BRINP3: variants seen among roughly 807,000 people sequenced by gnomAD.
The protein encoded by BRINP3 is BMP/retinoic acid inducible neural specific 3.
Under a neutral mutation model 71.0 loss-of-function variants are expected in BRINP3, and 19 were observed. The observed-to-expected ratio is 0.27, with a 90% CI of 0.19 to 0.39. The LOEUF (loss-of-function observed/expected upper bound fraction) is 0.39, where lower values mean the gene tolerates loss of function less well. Ranked by LOEUF, BRINP3 falls within the 10% of genes least tolerant of loss-of-function variation. The pLI, the probability that BRINP3 is intolerant of heterozygous loss-of-function variation, is 1.00. For synonymous variants in BRINP3, 380 were observed against 337.7 expected (o/e 1.13, Z -1.37); for missense variants, 959 against 940.8 (o/e 1.02, Z -0.25).
chr1:190,398,878 A>C (rs1671749514), intron 2 of BRINP3, among the ~76,000 whole-genome samples: 1 of 151,836 alleles, frequency 6.6e-6, no homozygotes, highest in African/African-American at 2.4e-5. Context: ...AATTTTCTTC[A>C]CCTTTAAAAC....
chr1:190,397,539 T>A (rs1423940464), intron 2 of BRINP3, among the ~76,000 whole-genome samples: 1 of 152,028 alleles, frequency 6.6e-6, no homozygotes, highest in Non-Finnish European at 1.5e-5. Context: ...ATTTCTTTCA[T>A]ATTATGTTCT....
chr1:190,180,691 C>T (rs1328367435), intron 6 of BRINP3, among the ~76,000 whole-genome samples: 1 of 151,980 alleles, frequency 6.6e-6, no homozygotes, highest in African/African-American at 2.4e-5. Flanking sequence ...ATAGTACCAA[C>T]AAATTCTAAC....
intron 2 of BRINP3, among the ~76,000 whole-genome samples, chr1:190,283,492 T>A (rs1158777343): frequency 2.6e-5 from 4 of 151,822 alleles, no homozygotes; most frequent in African/African-American, 9.7e-5. Flanking sequence ...CTGAATTTAT[T>A]ATAATGTTCC....
At chr1:190,456,884 T>G (rs1299869668) in intron 1 of BRINP3, among the ~76,000 whole-genome samples, 8 of 152,174 alleles carry the variant, frequency 5.3e-5, no homozygotes, top group Non-Finnish European at 1.2e-4. Context: ...AGGATGTGTT[T>G]CTTAATTGAA....
chr1:190,248,525 G>T (rs1192174934), intron 4 of BRINP3, among the ~76,000 whole-genome samples: 1 of 151,248 alleles, frequency 6.6e-6, no homozygotes, highest in Admixed American at 6.6e-5. Context: ...CCTACCCAGG[G>T]TACTTTCAGA....
chr1:190,277,982 T>G (rs1215685928), intron 3 of BRINP3, among the ~76,000 whole-genome samples: 1 of 151,786 alleles, frequency 6.6e-6, no homozygotes, highest in Non-Finnish European at 1.5e-5. Flanking sequence ...TTTATTTTTC[T>G]CTATAGATAG....
intron 6 of BRINP3, among the ~76,000 whole-genome samples, chr1:190,200,128 T>G (rs1329659885): frequency 6.6e-6 from 1 of 152,158 alleles, no homozygotes; most frequent in Non-Finnish European, 1.5e-5. Flanking sequence ...ACAGTACCAC[T>G]CAGAGTCTAC....
chr1:190,302,621 C>A (rs917857130), intron 2 of BRINP3: 1 of 151,546 alleles, frequency 6.6e-6, no homozygotes, highest in Admixed American at 6.6e-5. Flanking sequence ...CTTAAAAATC[C>A]CCTCATAAAT....
Position 190,265,090 on chromosome 1 carries a change from C to T in BRINP3, c.428-35G>A, listed in dbSNP as rs1017194224. The stretch of plus-strand genomic sequence containing the variant: ...TAATATTTCAAATTATTCAATTTTC[C>T]ACTTAAAATCTTTTTTTTTAACTTA... On this transcript the variant is annotated intron_variant, in intron 3 of 7. Transcript: ENST00000367462. 2.6e-6 allele frequency: 4 copies of T among 1,552,382 alleles called. No individual in the cohort carries two copies. The East Asian group carries it at 9.4e-5, about 36-fold the overall frequency.
chr1:190,102,446 G>A (rs958450986), intron 7 of BRINP3, among the ~76,000 whole-genome samples: 10 of 152,100 alleles, frequency 6.6e-5, no homozygotes, highest in African/African-American at 2.4e-4. Context: ...TTTTATTCAT[G>A]TATACACATT....
chr1:190,394,754 T>C (rs1290448582), intron 2 of BRINP3, among the ~76,000 whole-genome samples: 6 of 151,734 alleles, frequency 4.0e-5, no homozygotes, highest in South Asian at 2.1e-4. Flanking sequence ...ATTATAATTA[T>C]TGAAATATTT....
At chr1:190,201,697 A>G (rs1592250) in intron 6 of BRINP3, among the ~76,000 whole-genome samples, 90,360 of 151,972 alleles carry the variant, frequency 0.59, 27,663 homozygotes, top group African/African-American at 0.76. Context: ...TGCTCCAGCC[A>G]TGGTTGAAAT....
At chr1:190,291,749 T>C (rs1663885175) in intron 2 of BRINP3, among the ~76,000 whole-genome samples, 1 of 152,046 alleles carries the variant, frequency 6.6e-6, no homozygotes, top group African/African-American at 2.4e-5. Flanking sequence ...AGTTTGGAGA[T>C]TTTTCAAAAA....
In BRINP3 at chr1:190,443,970, C is replaced by T. The variant is rs918129792; in HGVS notation, c.236+10685G>A. On this transcript the variant is annotated intron_variant, in intron 2 of 7. Transcript: ENST00000367462. Reference sequence around the variant, plus strand: ...ACAGTCAGCCAGGCAAGGTGGCTCCCGTCTATAATCCCAGCACTTTGGTAG... The same window carrying T: ...ACAGTCAGCCAGGCAAGGTGGCTCCTGTCTATAATCCCAGCACTTTGGTAG... Among the ~76,000 whole-genome samples the T allele has an allele frequency of 2.8e-4, 42 of 152,056 alleles. 2 individuals are homozygous for T. The highest frequency in any genetic ancestry group is 2.8e-3 in the Admixed American group (42 of 15,260).
rs573588981 is a variant in BRINP3 at position 190,443,950 on chromosome 1, C to T, written c.236+10705G>A. On this transcript the variant is annotated intron_variant, in intron 2 of 7. Transcript: ENST00000367462. The stretch of plus-strand genomic sequence containing the variant: ...AACTTTGCTATAAAACATGAACAGT[C>T]AGCCAGGCAAGGTGGCTCCCGTCTA... 6.6e-5 allele frequency among the ~76,000 whole-genome samples: 10 copies of T among 152,112 alleles called. No homozygotes were observed. The East Asian group carries it at 1.7e-3, about 27-fold the overall frequency.
Position 190,099,144 on chromosome 1 carries a change from C to A in BRINP3, c.1185-10G>T. The A allele has an allele frequency of 6.2e-7, 1 of 1,608,420 alleles. No homozygotes were observed. On this transcript the variant is annotated splice_polypyrimidine_tract_variant and intron_variant, in intron 7 of 7. Transcript: ENST00000367462. ...CCAGTAGGTTGAGGTTCTAGAAATACAAAACAGAACGAATCTACATAAATA... is the reference window on the plus strand; with the variant it reads ...CCAGTAGGTTGAGGTTCTAGAAATAAAAAACAGAACGAATCTACATAAATA...
chr1:190,417,986 A>G (rs183690819), intron 2 of BRINP3, among the ~76,000 whole-genome samples: 179 of 152,330 alleles, frequency 1.2e-3, no homozygotes, highest in African/African-American at 4.0e-3. Flanking sequence ...ATGAATTTAG[A>G]TAATTAGTTA....
intron 6 of BRINP3, among the ~76,000 whole-genome samples, chr1:190,190,985 G>A (rs1213432392): frequency 6.6e-6 from 1 of 152,078 alleles, no homozygotes; most frequent in Non-Finnish European, 1.5e-5. Flanking sequence ...CTAGTGATCT[G>A]TAAGCAAAGC....
intron 2 of BRINP3, among the ~76,000 whole-genome samples, chr1:190,389,187 ATT>A (rs1181978426): frequency 1.3e-5 from 2 of 151,730 alleles, no homozygotes; most frequent in Non-Finnish European, 2.9e-5. Flanking sequence ...ATTGCATTAT[ATT>A]GTTTACCAGT....
Sources: gnomAD v4.1 joint callset for allele counts (sites outside exome capture counted in the v4.1 genomes callset) on GRCh38, gnomAD v4.1.1 for gene constraint, MANE v1.5 for transcripts, NCBI Gene and HGNC (gene_info 2026-07-23, HGNC 2026-07-21) for gene names.